The following LIN54 variants were observed in gnomAD, a reference collection of about 807,000 sequenced individuals.
The protein encoded by LIN54 is protein lin-54 homolog.
A neutral mutation model predicts 78.7 loss-of-function variants in LIN54; 9 were observed. The ratio of observed to expected loss-of-function variants is 0.11; its 90% CI spans 0.07 to 0.20. The LOEUF (loss-of-function observed/expected upper bound fraction) is 0.20, where lower values mean the gene tolerates loss of function less well. Ranked by LOEUF, LIN54 falls within the 10% of genes least tolerant of loss-of-function variation. LIN54 has a pLI of 1.00. For missense variants in LIN54, 573 were observed against 889.9 expected (o/e 0.64, Z 4.53); for synonymous variants, 269 against 318.4 (o/e 0.84, Z 1.65).
intron 2 of LIN54, among the ~76,000 whole-genome samples, chr4:82,981,979 G>C (rs1370137390): frequency 1.3e-5 from 2 of 151,940 alleles, no homozygotes; most frequent in Admixed American, 1.3e-4. Context: ...GGCTGCAGTG[G>C]AGCACCCACT....
Position 83,010,466 on chromosome 4 carries a change from T to C in LIN54, c.-33+18A>G. 1 of 935,098 alleles carries C rather than the reference T, an allele frequency of 1.1e-6. No homozygotes were observed. The highest frequency in any genetic ancestry group is 1.2e-6 in the Non-Finnish European group (1 of 804,804). The allele number at this position is 935,098 out of a possible 1,614,324, so 57.9% of individuals were successfully genotyped here. A position where few individuals can be genotyped will look rare whatever the true frequency, so the allele number is the denominator to read the frequency against. Reference sequence around the variant, plus strand: ...ATCTCCGGACAGAGAAGCCCTCGGGTACCCCATCCTCCTCTACCTCCAGCG... The same window carrying C: ...ATCTCCGGACAGAGAAGCCCTCGGGCACCCCATCCTCCTCTACCTCCAGCG... On this transcript the variant is annotated intron_variant, in intron 1 of 12. Transcript: ENST00000340417.
intron 5 of LIN54, 109 bp from the exon 6 acceptor site, chr4:82,940,071 A>C: frequency 1.3e-6 from 1 of 770,608 alleles, no homozygotes; most frequent in Non-Finnish European, 2.1e-6. Context: ...GAGCTTAAAG[A>C]ATTCCATTTG....
intron 1 of LIN54, among the ~76,000 whole-genome samples, chr4:82,998,004 A>AT (rs367736764): frequency 0.61 from 65,712 of 107,484 alleles, 17,196 homozygotes; most frequent in Admixed American, 0.69. Flanking sequence ...CAAAAAAAAA[A>AT]AATAATAATA....
rs575478690 is a variant in LIN54 at position 82,931,258 on chromosome 4, G to A, written c.1846-113C>T. 1.6e-5 allele frequency: 12 copies of A among 750,922 alleles called. No individual in the cohort carries two copies. In the African/African-American group the frequency reaches 1.7e-4, roughly 11 times the overall value. 46.5% of individuals were successfully genotyped at this position (750,922 alleles called of 1,614,324 possible). A position where few individuals can be genotyped will look rare whatever the true frequency, so the allele number is the denominator to read the frequency against. On this transcript the variant is annotated intron_variant, in intron 11 of 12. Transcript: ENST00000340417. ...GCATTACCTGGTCAACTGATAATAA[G>A]ATTAGATGGAAGTATCTCTGGCTGA...
rs921848700 is a variant in LIN54, at chr4:82,924,926, T to C, written c.*3176A>G. 4 of 152,672 alleles carry C rather than the reference T, an allele frequency of 2.6e-5. No homozygotes were observed. Among genetic ancestry groups the C allele is most frequent in the African/African-American group, 9.6e-5 (4 of 41,462 alleles). 9.5% of individuals were successfully genotyped at this position (152,672 alleles called of 1,614,324 possible). Reference sequence around the variant, plus strand: ...GCTTCATTTACATAACAAGTATTCATTTTCTTAACTATTTGTGTTACAGAA... The same window carrying C: ...GCTTCATTTACATAACAAGTATTCACTTTCTTAACTATTTGTGTTACAGAA... On this transcript the variant is annotated 3_prime_UTR_variant, in exon 13 of 13. Transcript: ENST00000340417.
chr4:82,938,304 A>G (rs1722553603), intron 8 of LIN54, 109 bp downstream of exon 8: 1 of 657,548 alleles, frequency 1.5e-6, no homozygotes. Flanking sequence ...GCATGCTCAC[A>G]TGGCTTTAAG....
Position 82,984,588 on chromosome 4 carries a change from T to C in LIN54, c.257A>G (p.Asp86Gly). ...AGCTGGTTTCACTGTGGTATTAGAATCTGCTTTAGTAATTGTGGTATTCAC... is the reference window on the plus strand; with the variant it reads ...AGCTGGTTTCACTGTGGTATTAGAACCTGCTTTAGTAATTGTGGTATTCAC... ...VAVNTTITKA[D>G]SNTTVKPAFP... The change falls in exon 2 of 13, where the codon GAT becomes GGT. Residue 86 changes from aspartate (D) to glycine (G), a missense_variant. Physicochemically the swap from Asp to Gly is moderately conservative, Grantham distance 94 (BLOSUM62 -1). Coordinates refer to ENST00000340417, the MANE Select transcript of LIN54 (RefSeq NM_194282.4). 2 of 1,614,204 alleles carry C rather than the reference T, an allele frequency of 1.2e-6. No individual in the cohort carries two copies. The highest frequency in any genetic ancestry group is 1.7e-6 in the Non-Finnish European group (2 of 1,180,026).
intron 1 of LIN54, among the ~76,000 whole-genome samples, chr4:83,009,093 CT>C (rs1305569333): frequency 6.6e-6 from 1 of 152,066 alleles, no homozygotes; most frequent in East Asian, 1.9e-4. Flanking sequence ...ATCATTAAAC[CT>C]TCTGAGTACC....
chr4:82,982,291 C>T lies in LIN54; in HGVS notation c.684+1870G>A, dbSNP rs74768904. On this transcript the variant is annotated intron_variant, in intron 2 of 12. Transcript: ENST00000340417. ...TAGCCCAGGCTGAGGTGCAGTGATG[C>T]GACCACAGCTCACAGCAGCCTAGAC... Among the ~76,000 whole-genome samples the T allele has an allele frequency of 4.0e-4, 61 of 152,134 alleles. 1 individual carries two copies. In the East Asian group the frequency reaches 7.9e-3, roughly 20 times the overall value.
chr4:82,960,319 C>T (rs1156820207), intron 4 of LIN54, among the ~76,000 whole-genome samples: 12 of 336 alleles, frequency 0.036, no homozygotes, highest in South Asian at 0.12. Context: ...CACACACCAG[C>T]GGTGTGTAGA....
At chr4:82,972,250 G>C (rs527803731) in intron 3 of LIN54, among the ~76,000 whole-genome samples, 47 of 151,958 alleles carry the variant, frequency 3.1e-4, no homozygotes, top group African/African-American at 1.1e-3. Context: ...AGACAATGGA[G>C]TTTTGTCATG....
Position 82,992,844 on chromosome 4 carries a change from C to T in LIN54, c.-32-7968G>A, listed in dbSNP as rs558086587. Among the ~76,000 whole-genome samples, 640 of 151,192 alleles carry T rather than the reference C, an allele frequency of 4.2e-3. 5 individuals are homozygous for T. Among genetic ancestry groups the T allele is most frequent in the Middle Eastern group, 6.8e-3 (2 of 294 alleles). ...GAGATTGAGACCATCCTGGTTAACACGGTGAAACCCCGTCTCTACTAAAAA... is the reference window on the plus strand; with the variant it reads ...GAGATTGAGACCATCCTGGTTAACATGGTGAAACCCCGTCTCTACTAAAAA... On this transcript the variant is annotated intron_variant, in intron 1 of 12. Transcript: ENST00000340417.
chr4:82,998,046 G>GTATATATATATATATACACGTA (rs142178438), intron 1 of LIN54, among the ~76,000 whole-genome samples: 11 of 136,356 alleles, frequency 8.1e-5, no homozygotes, highest in Admixed American at 6.7e-4. Flanking sequence ...ATACACACAC[G>GTATATATATATATATACACGTA]TATATATATA....
chr4:82,993,845 A>G (rs1560785374), intron 1 of LIN54, among the ~76,000 whole-genome samples: 1 of 151,824 alleles, frequency 6.6e-6, no homozygotes, highest in Non-Finnish European at 1.5e-5. Flanking sequence ...TGAACTTCTG[A>G]TCTCAACTGA....
chr4:83,003,992 T>C (rs2126112468), intron 1 of LIN54, among the ~76,000 whole-genome samples: 1 of 152,276 alleles, frequency 6.6e-6, no homozygotes, highest in Middle Eastern at 3.4e-3. Flanking sequence ...AAATGACATA[T>C]TTATGCCAAA....
At chr4:82,964,311 A>G (rs1363227486) in intron 4 of LIN54, among the ~76,000 whole-genome samples, 3 of 152,270 alleles carry the variant, frequency 2.0e-5, no homozygotes, top group East Asian at 3.9e-4. Flanking sequence ...TCGGCCACCC[A>G]AAGTGTTGGG....
intron 4 of LIN54, among the ~76,000 whole-genome samples, chr4:82,964,519 A>G (rs183155443): frequency 1.3e-5 from 2 of 152,338 alleles, no homozygotes; most frequent in East Asian, 3.9e-4. Flanking sequence ...TGTGGGTTCA[A>G]GTATTTCAAC....
intron 3 of LIN54, among the ~76,000 whole-genome samples, chr4:82,974,557 T>G (rs904707180): frequency 6.6e-6 from 1 of 151,602 alleles, no homozygotes; most frequent in Non-Finnish European, 1.5e-5. Context: ...GCCAACGTGG[T>G]GAAACACCAT....
rs562645846 is a variant in LIN54, at chr4:82,984,856, C to A, written c.-12G>T. ...GGCACCACCTCCATGATCGTTCTCC[C>A]GCTAGAAAGTTGATCAGGCACTGTA... On this transcript the variant is annotated 5_prime_UTR_variant, in exon 2 of 13. Transcript: ENST00000340417. 2 of 1,594,086 alleles carry A rather than the reference C, an allele frequency of 1.3e-6. No individual in the cohort carries two copies. Among genetic ancestry groups the A allele is most frequent in the South Asian group, 1.1e-5 (1 of 88,922 alleles).
Sources: gnomAD v4.1 joint callset for allele counts (sites outside exome capture counted in the v4.1 genomes callset) on GRCh38, gnomAD v4.1.1 for gene constraint, MANE v1.5 for transcripts, NCBI Gene and HGNC (gene_info 2026-07-23, HGNC 2026-07-21) for gene names.